LIMCH1: variants seen among roughly 807,000 people sequenced by gnomAD.
LIMCH1 encodes LIM and calponin homology domains 1, also known as LIM and calponin homology domains-containing protein 1.
A neutral mutation model predicts 176.5 loss-of-function variants in LIMCH1; 113 were observed. The observed-to-expected ratio is 0.64, with a 90% CI of 0.55 to 0.75. The LOEUF (loss-of-function observed/expected upper bound fraction) is 0.75, where lower values mean the gene tolerates loss of function less well. LIMCH1 is among the 30% of genes least tolerant of loss of function. The pLI is 0.00. For synonymous variants in LIMCH1, 619 were observed against 645.9 expected (o/e 0.96, Z 0.63); for missense variants, 1,674 against 1,814.9 (o/e 0.92, Z 1.41).
At chr4:41,471,653 G>T (rs369219988) in intron 1 of LIMCH1, among the ~76,000 whole-genome samples, 3 of 152,258 alleles carry the variant, frequency 2.0e-5, no homozygotes, top group Admixed American at 6.5e-5. Context: ...GGCTGGATTT[G>T]GCCGTGTCCA....
chr4:41,375,564 A>G (rs1307154973), intron 1 of LIMCH1, among the ~76,000 whole-genome samples: 3 of 152,314 alleles, frequency 2.0e-5, no homozygotes, highest in Non-Finnish European at 4.4e-5. Context: ...ATTTAATTTC[A>G]TATTTCTCAG....
chr4:41,360,099 G>A (rs1484627903), upstream of LIMCH1, among the ~76,000 whole-genome samples: 1 of 151,644 alleles, frequency 6.6e-6, no homozygotes, highest in African/African-American at 2.4e-5. This position sits in a 1 kb window ranked among gnomAD's most constrained non-coding sequence, Gnocchi z 4.5. Context: ...AGTGCCTGAC[G>A]CATAGTAGGT....
intron 29 of LIMCH1, 58 bp from the exon 30 acceptor site, chr4:41,689,469 T>C: frequency 5.7e-6 from 5 of 883,094 alleles, no homozygotes; most frequent in African/African-American, 1.6e-5. Context: ...CATGTCTGTG[T>C]GTTTGACCAG....
intron 2 of LIMCH1, among the ~76,000 whole-genome samples, chr4:41,495,668 AT>A (rs1300805099): frequency 6.6e-6 from 1 of 152,052 alleles, no homozygotes; most frequent in Non-Finnish European, 1.5e-5. Context: ...CCCAAGTCTC[AT>A]TTTTTTCTAA....
chr4:41,494,939 C>T (rs1032519886), intron 2 of LIMCH1, among the ~76,000 whole-genome samples: 1 of 152,116 alleles, frequency 6.6e-6, no homozygotes, highest in African/African-American at 2.4e-5. Context: ...ACTTTTCTCC[C>T]CTTTTAAATC....
chr4:41,619,183 C>T lies in LIMCH1; in HGVS notation c.206-5C>T, dbSNP rs2092374685. 1.2e-6 allele frequency: 2 copies of T among 1,613,974 alleles called. No homozygotes were observed. Among genetic ancestry groups the T allele is most frequent in the African/African-American group, 2.7e-5 (2 of 74,896 alleles). On this transcript the variant is annotated splice_region_variant and splice_polypyrimidine_tract_variant and intron_variant, in intron 5 of 31. Transcript: ENST00000503057. ...CTTTCTCAGTACCCATCCTCTCTTCCCTAGGGAGAGGAAGCGACTCTGAAT... is the reference window on the plus strand; with the variant it reads ...CTTTCTCAGTACCCATCCTCTCTTCTCTAGGGAGAGGAAGCGACTCTGAAT...
intron 1 of LIMCH1, among the ~76,000 whole-genome samples, chr4:41,390,274 G>GAGAGAGCGAGAA (rs2057079525): frequency 6.6e-6 from 1 of 151,218 alleles, no homozygotes; most frequent in Non-Finnish European, 1.5e-5. Flanking sequence ...GAGAGAGAGA[G>GAGAGAGCGAGAA]CGAGAGCGCT....
At chr4:41,527,681 G>T (rs189574800) in intron 3 of LIMCH1, among the ~76,000 whole-genome samples, 5 of 152,134 alleles carry the variant, frequency 3.3e-5, no homozygotes, top group African/African-American at 1.2e-4. Context: ...AAATTAGCCA[G>T]GCGCGGTGGT....
intron 1 of LIMCH1, among the ~76,000 whole-genome samples, chr4:41,444,391 G>A (rs1251173631): frequency 6.6e-6 from 1 of 151,394 alleles, no homozygotes. Flanking sequence ...GTTTATTAAT[G>A]TTTCATTGAG....
intron 1 of LIMCH1, among the ~76,000 whole-genome samples, chr4:41,413,034 T>C (rs2059623064): frequency 6.6e-6 from 1 of 152,142 alleles, no homozygotes; most frequent in Non-Finnish European, 1.5e-5. Flanking sequence ...CTTTGAAGAT[T>C]GAGATAATGT....
intron 2 of LIMCH1, among the ~76,000 whole-genome samples, chr4:41,499,933 G>A (rs1191597004): frequency 6.6e-6 from 1 of 152,158 alleles, no homozygotes; most frequent in African/African-American, 2.4e-5. Context: ...TGTCTTTCAT[G>A]ACATTAACAT....
intron 22 of LIMCH1, among the ~76,000 whole-genome samples, chr4:41,672,940 G>T (rs2153019320): frequency 6.6e-6 from 1 of 152,290 alleles, no homozygotes; most frequent in Non-Finnish European, 1.5e-5. Flanking sequence ...AAGTTGTCAT[G>T]TGCCTTAATT....
At chr4:41,480,621 T>C (rs113379760) in intron 1 of LIMCH1, among the ~76,000 whole-genome samples, 2 of 152,054 alleles carry the variant, frequency 1.3e-5, no homozygotes, top group African/African-American at 4.8e-5. Flanking sequence ...AGCCAACAAC[T>C]AAAATGTTTA....
chr4:41,420,444 A>G (rs1186439279), intron 1 of LIMCH1, among the ~76,000 whole-genome samples: 3 of 152,234 alleles, frequency 2.0e-5, no homozygotes, highest in Non-Finnish European at 4.4e-5. Context: ...TTCAGGGTGT[A>G]GGACCAGACA....
chr4:41,681,064 G>T lies in LIMCH1; in HGVS notation c.3717+5G>T, dbSNP rs1715330556. 2 of 1,562,516 alleles carry T rather than the reference G, an allele frequency of 1.3e-6. No homozygotes were observed. Among genetic ancestry groups the T allele is most frequent in the South Asian group, 2.2e-5 (2 of 89,494 alleles). ...ACTGAAGGCAGTGGGACAATGGTGA[G>T]ACCACAGATTAAAAGCAATTTGTGA... On this transcript the variant is annotated splice_donor_5th_base_variant and intron_variant, in intron 25 of 31. Coordinates refer to ENST00000503057, the MANE Select transcript of LIMCH1 (RefSeq NM_001330672.2).
chr4:41,606,644 T>C (rs190968155), intron 4 of LIMCH1, among the ~76,000 whole-genome samples: 144 of 152,296 alleles, frequency 9.5e-4, no homozygotes, highest in Admixed American at 2.1e-3. Flanking sequence ...GTTGAATGTT[T>C]CATGTGTACT....
chr4:41,558,680 C>T (rs187022423), intron 1 of LIMCH1, among the ~76,000 whole-genome samples: 4 of 152,246 alleles, frequency 2.6e-5, no homozygotes, highest in East Asian at 1.9e-4. Flanking sequence ...CAGTTTCCTA[C>T]GATGATGTCA....
At chr4:41,673,592 T>C (rs1345080944) in intron 22 of LIMCH1, among the ~76,000 whole-genome samples, 2 of 152,126 alleles carry the variant, frequency 1.3e-5, no homozygotes, top group Non-Finnish European at 2.9e-5. Context: ...ACTCTGGCTA[T>C]TTTTGGTCAG....
At chr4:41,438,891 G>C (rs1362281044) in intron 1 of LIMCH1, among the ~76,000 whole-genome samples, 1 of 152,162 alleles carries the variant, frequency 6.6e-6, no homozygotes, top group Non-Finnish European at 1.5e-5. Context: ...TGGCCAGACT[G>C]CTGTAAATGT....
Sources: gnomAD v4.1 joint callset for allele counts (sites outside exome capture counted in the v4.1 genomes callset) on GRCh38, gnomAD v4.1.1 for gene constraint, Gnocchi (gnomAD v3.1) non-coding constraint, MANE v1.5 for transcripts, NCBI Gene and HGNC (gene_info 2026-07-23, HGNC 2026-07-21) for gene names.